SPTA1: variants seen among roughly 807,000 people sequenced by gnomAD.
SPTA1 encodes the protein spectrin alpha, erythrocytic 1.
Under a neutral mutation model 324.7 loss-of-function variants are expected in SPTA1, and 177 were observed. The observed-to-expected ratio is 0.55, with a 90% CI of 0.48 to 0.62. The LOEUF (loss-of-function observed/expected upper bound fraction) is 0.62. Among genes scored for constraint, SPTA1 ranks in the 20% least tolerant of loss-of-function variants. SPTA1 has a pLI of 0.00. For missense variants in SPTA1, 3,162 were observed against 2,883.6 expected, an observed-to-expected ratio of 1.10 and a Z score of -2.21; for synonymous variants, 1,195 against 1,041.3, an observed-to-expected ratio of 1.15 and a Z score of -2.84.
At chr1:158,642,584 T>C in intron 32 of SPTA1, 42 bp from the exon 33 acceptor site, 1 of 1,610,700 alleles carries the variant, frequency 6.2e-7, no homozygotes, top group Admixed American at 1.7e-5. Context: ...TCTTTTTATT[T>C]ATGGTGACAA....
At chr1:158,681,478 G>T (rs1480332997) in intron 4 of SPTA1, 49 bp downstream of exon 4, 2 of 1,612,872 alleles carry the variant, frequency 1.2e-6, no homozygotes, top group South Asian at 2.2e-5. Flanking sequence ...GGGGTACCTG[G>T]GACAGAGGAG....
intron 27 of SPTA1, 137 bp downstream of exon 27, chr1:158,647,401 AT>A (rs1557954495): frequency 9.2e-7 from 1 of 1,087,590 alleles, no homozygotes; most frequent in African/African-American, 1.6e-5. Flanking sequence ...CAAACCTGAA[AT>A]TTTTTATGCC....
intron 18 of SPTA1, 90 bp from the exon 19 acceptor site, chr1:158,657,784 A>T: frequency 7.4e-7 from 1 of 1,347,298 alleles, no homozygotes; most frequent in Non-Finnish European, 1.1e-6. Flanking sequence ...AGAGAAAGGA[A>T]GTGATAAAAA....
chr1:158,683,418 T>C lies in SPTA1; in HGVS notation c.343A>G (p.Arg115Gly). 3.1e-6 allele frequency: 5 copies of C among 1,613,508 alleles called. No homozygotes were observed. The highest frequency in any genetic ancestry group is 4.2e-6 in the Non-Finnish European group (5 of 1,179,568). ...TGACCCATGGTAAATCGTTCTTCCCTTGTTTTTTCCAGTTCAGACATGAGT... is the reference window on the plus strand; with the variant it reads ...TGACCCATGGTAAATCGTTCTTCCCCTGTTTTTTCCAGTTCAGACATGAGT... ...SRLMSELEKT[R>G]EERFTMGHSA... Residue 115 changes from arginine (R) to glycine (G), a missense_variant, in exon 3 of 52, where the codon AGG (arginine) becomes GGG (glycine). Physicochemically the swap from Arg to Gly is moderately radical, Grantham distance 125. Transcript: ENST00000643759.
Position 158,651,620 on chromosome 1 carries a change from G to A in SPTA1, c.3376-152C>T, listed in dbSNP as rs941592952. The stretch of plus-strand genomic sequence containing the variant: ...CTCTCCTCCAATCCACCACTGAGAA[G>A]AGTATCCTTAAAGATCTTGACACCT... On this transcript the variant is annotated intron_variant, in intron 23 of 51. Transcript: ENST00000643759. The A allele has an allele frequency of 1.3e-5, 9 of 684,996 alleles. No individual in the cohort carries two copies. The African/African-American group carries it at 1.4e-4, about 11-fold the overall frequency. 42.4% of individuals were successfully genotyped at this position (684,996 alleles called of 1,614,324 possible).
chr1:158,627,882 C>T (rs930431047), intron 39 of SPTA1, among the ~76,000 whole-genome samples, 159 bp from the exon 40 acceptor site: 1 of 152,132 alleles, frequency 6.6e-6, no homozygotes, highest in Admixed American at 6.6e-5. Flanking sequence ...TACTCAATTG[C>T]TTTCTCAAAT....
At chr1:158,683,615 A>T in intron 2 of SPTA1, 119 bp from the exon 3 acceptor site, 1 of 1,355,338 alleles carries the variant, frequency 7.4e-7, no homozygotes, top group Admixed American at 1.9e-5. Flanking sequence ...GAGGCCATAA[A>T]GAGTATTTTC....
rs774726962 is a variant in SPTA1 at position 158,674,445 on chromosome 1, C to CA, written c.1249-16dup. The CA allele has an allele frequency of 9.3e-6, 15 of 1,614,060 alleles. No homozygotes were observed. Among genetic ancestry groups the CA allele is most frequent in the Admixed American group, 1.7e-5 (1 of 60,016 alleles). On this transcript the variant is annotated splice_polypyrimidine_tract_variant and intron_variant, in intron 9 of 51. Coordinates refer to ENST00000643759, the MANE Select transcript of SPTA1 (RefSeq NM_003126.4). ...TCAATCTCATGCTGTGGCCACAAAA[C>CA]AAAGTGTCTCAAAATGCAGCAAGAA...
At chr1:158,613,627 G>C in intron 50 of SPTA1, 94 bp downstream of exon 50, 1 of 1,571,698 alleles carries the variant, frequency 6.4e-7, no homozygotes, top group Non-Finnish European at 8.7e-7. Context: ...TTTCAGATGA[G>C]TTAATTTCAT....
At chr1:158,617,266 C>G (rs368710238) in intron 47 of SPTA1, among the ~76,000 whole-genome samples, 136 of 152,332 alleles carry the variant, frequency 8.9e-4, no homozygotes, top group South Asian at 3.5e-3. Context: ...GCCTCTCCCA[C>G]TCTGGGCAGA....
At chr1:158,647,474 T>TGA in intron 27 of SPTA1, 65 bp downstream of exon 27, 2 of 1,599,246 alleles carry the variant, frequency 1.3e-6, no homozygotes, top group South Asian at 2.2e-5. Context: ...ACAGCATCTG[T>TGA]ACCCAGACTG....
At position 158,652,567 on chromosome 1, in the gene SPTA1, C is replaced by T. The variant is rs1232630301; in HGVS notation, c.3275G>A (p.Gly1092Glu). ...CTCTTGAATCCATTCCAGCATGTCTCCTGCCTCATAGGCCAATAAAAATTC... is the reference window on the plus strand; with the variant it reads ...CTCTTGAATCCATTCCAGCATGTCTTCTGCCTCATAGGCCAATAAAAATTC... ...YNEFLLAYEA[G>E]DMLEWIQEKK... The change falls in exon 23 of 52, where the codon GGA becomes GAA. Residue 1092 changes from glycine (G) to glutamate (E), a missense_variant. Transcript: ENST00000643759. 39 of 1,614,018 alleles carry T rather than the reference C, an allele frequency of 2.4e-5. No homozygotes were observed. The highest frequency in any genetic ancestry group is 8.9e-5 in the East Asian group (4 of 44,874).
At position 158,661,375 on chromosome 1, in the gene SPTA1, A is replaced by G. The variant is rs773246606; in HGVS notation, c.2499T>C (p.Asn833=). The G allele has an allele frequency of 2.5e-6, 4 of 1,613,770 alleles. No homozygotes were observed. The South Asian group carries it at 4.4e-5, about 18-fold the overall frequency. The change falls in exon 18 of 52, where the codon AAT becomes AAC. Residue 833 remains asparagine, a synonymous_variant. Transcript: ENST00000643759. Reference sequence around the variant, plus strand: ...TGTTCTCCAGGATGACTCTATGCCTATTCAGAAGCTTTTTGGAAGCAATCA... The same window carrying G: ...TGTTCTCCAGGATGACTCTATGCCTGTTCAGAAGCTTTTTGGAAGCAATCA... ...KDLIASKKLL[N]RHRVILENIA...
At chr1:158,662,578 ATGAGTG>A in intron 17 of SPTA1, 118 bp downstream of exon 17, 1 of 1,328,844 alleles carries the variant, frequency 7.5e-7, no homozygotes, top group Non-Finnish European at 1.0e-6. Context: ...ACAAATTTTC[ATGAGTG>A]TGAGAAGAAA....
chr1:158,615,020 G>C (rs1279846834), intron 48 of SPTA1, 196 bp downstream of exon 48: 2 of 625,288 alleles, frequency 3.2e-6, no homozygotes, highest in Non-Finnish European at 5.5e-6. Context: ...CAGGTGGATG[G>C]AGAGCACTGT....
At position 158,611,377 on chromosome 1, in the gene SPTA1, C is replaced by T; in HGVS notation, c.7147G>A (p.Glu2383Lys). 2 of 1,613,622 alleles carry T rather than the reference C, an allele frequency of 1.2e-6. No individual in the cohort carries two copies. Among genetic ancestry groups the T allele is most frequent in the Non-Finnish European group, 1.7e-6 (2 of 1,179,696 alleles). Residue 2383 changes from glutamate to lysine, a missense_variant, in exon 52 of 52, where the codon GAG becomes AAG. Physicochemically the swap from Glu to Lys is moderately conservative, Grantham distance 56 (BLOSUM62 1). Coordinates refer to ENST00000643759, the MANE Select transcript of SPTA1 (RefSeq NM_003126.4). ...TGTGTGGCACAGAATGACACTTGCT[C>T]TGGGGTAAGGGCCTGAAAAGTATAA... ...KEDMKQALTP[E>K]QVSFCATHMQ...
At chr1:158,685,668 A>T (rs857938) in intron 1 of SPTA1, among the ~76,000 whole-genome samples, 6 of 152,036 alleles carry the variant, frequency 3.9e-5, no homozygotes, top group Admixed American at 2.6e-4. Context: ...ACATAATTTC[A>T]GATAGATAAA....
chr1:158,626,662 ATG>A (rs1355539283), intron 41 of SPTA1, among the ~76,000 whole-genome samples, 175 bp downstream of exon 41: 1 of 148,028 alleles, frequency 6.8e-6, no homozygotes, highest in Non-Finnish European at 1.5e-5. Context: ...GTGTGTGTTT[ATG>A]TGTGTGTGTA....
chr1:158,643,434 A>G lies in SPTA1; in HGVS notation c.4339-9T>C. 1 of 1,612,718 alleles carries G rather than the reference A, an allele frequency of 6.2e-7. No individual in the cohort carries two copies. On this transcript the variant is annotated splice_polypyrimidine_tract_variant and intron_variant, in intron 30 of 51. Coordinates refer to ENST00000643759, the MANE Select transcript of SPTA1 (RefSeq NM_003126.4). Reference sequence around the variant, plus strand: ...TCAGTGATCTTCCCTTCCTAAATAAAGGAAAAGGAAAGAGCCCAGATGCTT... The same window carrying G: ...TCAGTGATCTTCCCTTCCTAAATAAGGGAAAAGGAAAGAGCCCAGATGCTT...
Sources: gnomAD v4.1 joint callset for allele counts (sites outside exome capture counted in the v4.1 genomes callset) on GRCh38, gnomAD v4.1.1 for gene constraint, MANE v1.5 for transcripts, NCBI Gene and HGNC (gene_info 2026-07-23, HGNC 2026-07-21) for gene names.